The following MYZAP variants were observed in gnomAD, a reference collection of about 807,000 sequenced individuals.
The protein encoded by MYZAP is myocardial zonula adherens protein.
MYZAP carries 66 observed loss-of-function variants against 69.4 expected under a neutral mutation model. The ratio of observed to expected loss-of-function variants is 0.95; its 90% CI spans 0.78 to 1.17. The LOEUF (loss-of-function observed/expected upper bound fraction) is 1.17. Ranked by LOEUF, MYZAP falls within the 50% of genes most tolerant of loss-of-function variation. MYZAP has a pLI of 0.00. For synonymous variants in MYZAP, 256 were observed against 205.9 expected, an observed-to-expected ratio of 1.24 and a Z score of -2.09; for missense variants, 611 against 556.2, an observed-to-expected ratio of 1.10 and a Z score of -0.99.
intron 2 of MYZAP, among the ~76,000 whole-genome samples, chr15:57,613,908 CAA>C (rs10565423): frequency 0.07 from 10,711 of 152,170 alleles, 1,025 homozygotes; most frequent in African/African-American, 0.22. Context: ...GCCTAAAAAT[CAA>C]TACTTTTCTT....
intron 2 of MYZAP, among the ~76,000 whole-genome samples, chr15:57,614,948 C>T (rs2035335315): frequency 6.6e-6 from 1 of 152,054 alleles, no homozygotes; most frequent in African/African-American, 2.4e-5. Flanking sequence ...TTTCTTCCCC[C>T]TCCTCTTTCT....
intron 1 of MYZAP, among the ~76,000 whole-genome samples, chr15:57,600,952 C>G (rs1285916017): frequency 6.6e-6 from 1 of 152,064 alleles, no homozygotes; most frequent in East Asian, 1.9e-4. Context: ...GTGATGCATG[C>G]CTGTGGTCCC....
intron 12 of MYZAP, among the ~76,000 whole-genome samples, chr15:57,676,441 T>C (rs1307182897): frequency 1.5e-5 from 2 of 137,420 alleles, no homozygotes; most frequent in Non-Finnish European, 3.2e-5. Context: ...TATATGTATA[T>C]ATATATATAT....
intron 9 of MYZAP, among the ~76,000 whole-genome samples, chr15:57,638,819 T>C (rs16977631): frequency 0.15 from 23,313 of 152,206 alleles, 2,010 homozygotes; most frequent in East Asian, 0.29. Flanking sequence ...CTGCCGTTGA[T>C]TTCAGATATT....
At chr15:57,602,798 G>C (rs2034501376) in intron 1 of MYZAP, among the ~76,000 whole-genome samples, 4 of 152,182 alleles carry the variant, frequency 2.6e-5, no homozygotes, top group Admixed American at 2.6e-4. Context: ...AATGGGGCAG[G>C]TAAGAGAATC....
chr15:57,666,775 A>G (rs866198408), intron 11 of MYZAP, among the ~76,000 whole-genome samples: 1 of 152,140 alleles, frequency 6.6e-6, no homozygotes, highest in African/African-American at 2.4e-5. Context: ...GCATCCCACA[A>G]TATACCTTTG....
chr15:57,645,207 A>G (rs1178964327), intron 10 of MYZAP, among the ~76,000 whole-genome samples: 1 of 152,236 alleles, frequency 6.6e-6, no homozygotes, highest in East Asian at 1.9e-4. Flanking sequence ...AAAGTATTTA[A>G]CGGTCATCTC....
At chr15:57,617,704 A>C (rs145780602) in intron 2 of MYZAP, among the ~76,000 whole-genome samples, 2 of 152,346 alleles carry the variant, frequency 1.3e-5, no homozygotes, top group East Asian at 3.9e-4. Flanking sequence ...AGCATTATTA[A>C]GAGCATGAGG....
chr15:57,664,883 T>A (rs955178607), intron 11 of MYZAP, among the ~76,000 whole-genome samples: 7 of 152,200 alleles, frequency 4.6e-5, no homozygotes, highest in Admixed American at 6.5e-5. Context: ...AAATAGGAAC[T>A]CTCTCTGTGA....
At chr15:57,628,611 C>T (rs1418124640) in intron 5 of MYZAP, among the ~76,000 whole-genome samples, 8 of 152,114 alleles carry the variant, frequency 5.3e-5, no homozygotes, top group South Asian at 2.1e-4. Context: ...ATTACTTGTG[C>T]GGCTTGGAGC....
intron 11 of MYZAP, among the ~76,000 whole-genome samples, chr15:57,673,987 A>G (rs1266033436): frequency 3.3e-5 from 5 of 152,268 alleles, no homozygotes; most frequent in African/African-American, 7.2e-5. Context: ...GCTGCATGCC[A>G]TGCTTTGAGC....
chr15:57,637,626 T>G (rs544126764), intron 8 of MYZAP, 69 bp from the exon 9 acceptor site: 7 of 1,550,398 alleles, frequency 4.5e-6, no homozygotes, highest in Non-Finnish European at 6.1e-6. Context: ...AGTGCTAGAA[T>G]TGCTAAATAG....
intron 10 of MYZAP, among the ~76,000 whole-genome samples, chr15:57,645,225 T>G (rs952742671): frequency 1.2e-4 from 19 of 152,242 alleles, no homozygotes; most frequent in African/African-American, 4.6e-4. Flanking sequence ...CTCTTAGATT[T>G]TTTTTAAAGA....
intron 7 of MYZAP, 64 bp from the exon 8 acceptor site, chr15:57,633,549 T>C: frequency 6.5e-7 from 1 of 1,542,996 alleles, no homozygotes; most frequent in Admixed American, 1.9e-5. Context: ...CTGAGCTGAT[T>C]GGATCCCGGT....
chr15:57,665,934 G>A (rs1347696820), intron 11 of MYZAP, among the ~76,000 whole-genome samples: 1 of 152,146 alleles, frequency 6.6e-6, no homozygotes, highest in Admixed American at 6.6e-5. Context: ...GAGTAACTCT[G>A]GGCAGGTAAT....
At chr15:57,598,806 G>A (rs531294930) in intron 1 of MYZAP, among the ~76,000 whole-genome samples, 5 of 152,304 alleles carry the variant, frequency 3.3e-5, no homozygotes, top group African/African-American at 9.6e-5. Context: ...CGACATCTGT[G>A]TGTTTGGCAC....
At chr15:57,636,932 C>A (rs2036852809) in intron 8 of MYZAP, among the ~76,000 whole-genome samples, 1 of 152,164 alleles carries the variant, frequency 6.6e-6, no homozygotes, top group African/African-American at 2.4e-5. Flanking sequence ...GTTGGCAGAG[C>A]TGGATTCCTT....
intron 11 of MYZAP, among the ~76,000 whole-genome samples, chr15:57,667,641 T>C (rs541856239): frequency 5.3e-5 from 8 of 152,224 alleles, no homozygotes; most frequent in Non-Finnish European, 8.8e-5. Flanking sequence ...TTAAAGACTT[T>C]TCTTAAATCT....
At chr15:57,598,207 C>T (rs1228498988) in intron 1 of MYZAP, among the ~76,000 whole-genome samples, 12 of 152,116 alleles carry the variant, frequency 7.9e-5, no homozygotes, top group Admixed American at 7.9e-4. Flanking sequence ...CTCATCTCCA[C>T]AAAAGGGTCA....
Sources: gnomAD v4.1 joint callset for allele counts (sites outside exome capture counted in the v4.1 genomes callset) on GRCh38, gnomAD v4.1.1 for gene constraint, MANE v1.5 for transcripts, NCBI Gene and HGNC (gene_info 2026-07-23, HGNC 2026-07-21) for gene names.